Variants in ROR1 observed in about 807,000 individuals in gnomAD.
The protein encoded by ROR1 is ROR family WNT receptor 1.
Under a neutral mutation model 78.8 loss-of-function variants are expected in ROR1, and 19 were observed. That is an observed-to-expected ratio of 0.24 (90% CI 0.17 to 0.35). The LOEUF (loss-of-function observed/expected upper bound fraction) is 0.35. ROR1 is among the 10% of genes least tolerant of loss of function. The pLI, the probability that ROR1 is intolerant of heterozygous loss-of-function variation, is 1.00. For missense variants in ROR1, 917 were observed against 1,177.8 expected (o/e 0.78, Z 3.24); for synonymous variants, 386 against 433.6 (o/e 0.89, Z 1.36).
chr1:64,060,350 T>C (rs1430479341), intron 4 of ROR1, among the ~76,000 whole-genome samples: 5 of 152,240 alleles, frequency 3.3e-5, no homozygotes, highest in Admixed American at 3.3e-4. Flanking sequence ...AGAGTTCTTC[T>C]GTTGGATAAT....
At chr1:64,007,815 G>A (rs909926794) in intron 1 of ROR1, among the ~76,000 whole-genome samples, 1 of 152,134 alleles carries the variant, frequency 6.6e-6, no homozygotes, top group Non-Finnish European at 1.5e-5. Context: ...TTCTTCCTTA[G>A]GAAGGCTATT....
intron 7 of ROR1, among the ~76,000 whole-genome samples, chr1:64,146,771 C>T (rs539939392): frequency 7.2e-5 from 11 of 152,302 alleles, no homozygotes; most frequent in African/African-American, 2.4e-4. Context: ...AAGAAACCTT[C>T]GAAAGGTCTT....
At chr1:64,119,407 G>C (rs561848409) in intron 4 of ROR1, among the ~76,000 whole-genome samples, 1 of 152,258 alleles carries the variant, frequency 6.6e-6, no homozygotes, top group Admixed American at 6.5e-5. Context: ...TTGGGAGGCT[G>C]AGGCAGAAAG....
intron 7 of ROR1, among the ~76,000 whole-genome samples, chr1:64,145,594 T>G (rs1264915832): frequency 6.6e-6 from 1 of 152,222 alleles, no homozygotes; most frequent in African/African-American, 2.4e-5. Flanking sequence ...TGTTGATCAT[T>G]TCAAGGAAAA....
chr1:64,031,503 G>A (rs1646659498), intron 2 of ROR1, among the ~76,000 whole-genome samples: 1 of 152,206 alleles, frequency 6.6e-6, no homozygotes, highest in Non-Finnish European at 1.5e-5. Context: ...TCCCCCAAAA[G>A]AATTTGGGTC....
intron 1 of ROR1, among the ~76,000 whole-genome samples, chr1:63,910,302 A>G (rs544950527): frequency 6.6e-6 from 1 of 152,168 alleles, no homozygotes; most frequent in Non-Finnish European, 1.5e-5. Context: ...TATATGGACA[A>G]ATTACTGACC....
At chr1:64,163,163 C>T (rs1458991367) in intron 8 of ROR1, among the ~76,000 whole-genome samples, 9 of 150,948 alleles carry the variant, frequency 6.0e-5, no homozygotes, top group Non-Finnish European at 5.9e-5. Context: ...CTGGACAGAT[C>T]GCTTGAGCCC....
intron 4 of ROR1, among the ~76,000 whole-genome samples, chr1:64,091,668 C>T (rs1647198443): frequency 6.6e-6 from 1 of 152,122 alleles, no homozygotes; most frequent in Non-Finnish European, 1.5e-5. Context: ...TCACTCCACA[C>T]CACACTCCCC....
intron 2 of ROR1, among the ~76,000 whole-genome samples, chr1:64,035,577 G>T (rs1175459910): frequency 1.3e-5 from 2 of 152,030 alleles, no homozygotes; most frequent in African/African-American, 4.8e-5. Flanking sequence ...TCTTTCCCAG[G>T]AATTTGCAAT....
intron 1 of ROR1, among the ~76,000 whole-genome samples, chr1:63,869,590 T>C (rs1270071760): frequency 6.6e-6 from 1 of 152,224 alleles, no homozygotes; most frequent in African/African-American, 2.4e-5. Context: ...AATCATCCTC[T>C]CCTCCATACA....
At chr1:63,977,147 GC>G (rs1184189656) in intron 1 of ROR1, among the ~76,000 whole-genome samples, 1 of 152,088 alleles carries the variant, frequency 6.6e-6, no homozygotes, top group Non-Finnish European at 1.5e-5. Context: ...GGAGGTAATT[GC>G]CCCCCATGAT....
rs71056022 is a variant in ROR1, at chr1:64,121,231, CTCCT to C, written c.483-16114_483-16111del. On this transcript the variant is annotated intron_variant, in intron 4 of 8. Transcript: ENST00000371079. ...CCTCCTCCCCTGCTTTCCTCCTTTC[CTCCT>C]TCCTTCCTTCCTTCCTTCCTTCCAT... is the stretch of plus-strand genomic sequence containing the variant. 2.7e-3 allele frequency among the ~76,000 whole-genome samples: 378 copies of C among 138,654 alleles called. 1 individual carries two copies. The highest frequency in any genetic ancestry group is 3.2e-3 in the Non-Finnish European group (209 of 65,012). 91.0% of individuals were successfully genotyped at this position (138,654 alleles called of 152,430 possible). A position where few individuals can be genotyped will look rare whatever the true frequency, so the allele number is the denominator to read the frequency against.
intron 1 of ROR1, among the ~76,000 whole-genome samples, chr1:63,944,928 C>T (rs1313827297): frequency 2.6e-5 from 4 of 152,104 alleles, no homozygotes; most frequent in Non-Finnish European, 5.9e-5. Context: ...TGTCTCTCAA[C>T]CTCTCTTGCA....
At chr1:64,050,550 A>C (rs1165058580) in intron 3 of ROR1, 136 bp from the exon 4 acceptor site, 1 of 870,680 alleles carries the variant, frequency 1.1e-6, no homozygotes, top group Non-Finnish European at 1.9e-6. Context: ...AATAGAGCAA[A>C]ACAATAAATT....
intron 1 of ROR1, among the ~76,000 whole-genome samples, chr1:63,885,110 G>A (rs887538052): frequency 1.3e-5 from 2 of 152,008 alleles, no homozygotes; most frequent in Non-Finnish European, 2.9e-5. Flanking sequence ...AAGTGTATTG[G>A]CATATAGAAA....
At chr1:63,867,459 T>C (rs548185974) in intron 1 of ROR1, among the ~76,000 whole-genome samples, 1 of 152,324 alleles carries the variant, frequency 6.6e-6, no homozygotes, top group South Asian at 2.1e-4. Context: ...GTCCCAGTCA[T>C]GTTCCTTTCC....
At chr1:63,915,422 T>C (rs916503092) in intron 1 of ROR1, among the ~76,000 whole-genome samples, 2 of 152,166 alleles carry the variant, frequency 1.3e-5, no homozygotes, top group Admixed American at 6.5e-5. Context: ...AGAGCTTTCC[T>C]TCCCTGCACC....
At chr1:64,007,159 A>G (rs1035395576) in intron 1 of ROR1, among the ~76,000 whole-genome samples, 1 of 152,182 alleles carries the variant, frequency 6.6e-6, no homozygotes, top group Admixed American at 6.5e-5. Flanking sequence ...TTCATCCTGC[A>G]TTCTATCTCA....
chr1:63,961,113 T>C (rs1233401163), intron 1 of ROR1, among the ~76,000 whole-genome samples: 4 of 152,020 alleles, frequency 2.6e-5, no homozygotes. Flanking sequence ...CTTTCCTCCT[T>C]TTTGACATTC....
Sources: gnomAD v4.1 joint callset for allele counts (sites outside exome capture counted in the v4.1 genomes callset) on GRCh38, gnomAD v4.1.1 for gene constraint, MANE v1.5 for transcripts, NCBI Gene and HGNC (gene_info 2026-07-23, HGNC 2026-07-21) for gene names.